Variants in PDE8A observed in about 807,000 individuals in gnomAD.
PDE8A encodes the protein phosphodiesterase 8A, also known as high affinity cAMP-specific and IBMX-insensitive 3',5'-cyclic phosphodiesterase 8A.
In PDE8A, 59 loss-of-function variants were observed where a neutral mutation model predicts 105.0. The ratio of observed to expected loss-of-function variants is 0.56; its 90% CI spans 0.46 to 0.70. The LOEUF is 0.70. Among genes scored for constraint, PDE8A ranks in the 30% least tolerant of loss-of-function variants. The pLI is 0.00. For synonymous variants in PDE8A, 355 were observed against 371.9 expected (o/e 0.95, Z 0.52); for missense variants, 1,014 against 1,045.9 (o/e 0.97, Z 0.42).
intron 3 of PDE8A, among the ~76,000 whole-genome samples, chr15:85,074,208 A>G (rs1386769294): frequency 6.6e-6 from 1 of 152,186 alleles, no homozygotes; most frequent in African/African-American, 2.4e-5. Context: ...CCTGGATTCC[A>G]TAAGAAAATG....
At chr15:85,053,013 T>C (rs1047779423) in intron 1 of PDE8A, among the ~76,000 whole-genome samples, 1 of 152,164 alleles carries the variant, frequency 6.6e-6, no homozygotes, top group Non-Finnish European at 1.5e-5. Flanking sequence ...TGTAAGGAAG[T>C]GATCCAGTTT....
chr15:85,029,981 G>A (rs1279040964), intron 1 of PDE8A, among the ~76,000 whole-genome samples: 2 of 152,104 alleles, frequency 1.3e-5, no homozygotes, highest in African/African-American at 4.8e-5. Context: ...TTCTGTGTGC[G>A]TCTGCTCTGT....
intron 1 of PDE8A, among the ~76,000 whole-genome samples, chr15:85,017,282 A>G (rs1196893920): frequency 1.3e-5 from 2 of 152,074 alleles, no homozygotes; most frequent in Non-Finnish European, 1.5e-5. Context: ...AAAAATAAAT[A>G]AATGAAGCCT....
intron 1 of PDE8A, among the ~76,000 whole-genome samples, chr15:85,031,261 G>A (rs952380027): frequency 1.3e-5 from 2 of 152,204 alleles, no homozygotes; most frequent in African/African-American, 4.8e-5. Context: ...ACATAATGAT[G>A]AGAGGCAGAG....
intron 12 of PDE8A, among the ~76,000 whole-genome samples, chr15:85,112,092 G>A (rs771330028): frequency 2.4e-4 from 37 of 151,790 alleles, no homozygotes; most frequent in Non-Finnish European, 5.9e-5. Context: ...GATTCTTCTG[G>A]GCTTTCTGTA....
At chr15:84,991,089 A>G (rs548879850) in intron 1 of PDE8A, among the ~76,000 whole-genome samples, 1 of 152,310 alleles carries the variant, frequency 6.6e-6, no homozygotes, top group South Asian at 2.1e-4. Context: ...TATAAACATT[A>G]TGACCTCTGG....
chr15:85,130,512 C>T (rs1050362817), intron 20 of PDE8A, among the ~76,000 whole-genome samples: 7 of 151,976 alleles, frequency 4.6e-5, no homozygotes, highest in Non-Finnish European at 1.0e-4. Context: ...GAGAATGTTC[C>T]ATTTGCACTT....
chr15:85,034,983 C>T (rs1255922591), intron 1 of PDE8A, among the ~76,000 whole-genome samples: 1 of 152,048 alleles, frequency 6.6e-6, no homozygotes, highest in Non-Finnish European at 1.5e-5. Flanking sequence ...AAAATACATG[C>T]ACAAAGGAAA....
Position 85,064,021 on chromosome 15 carries a change from A to G in PDE8A, c.187-349A>G, listed in dbSNP as rs185608087. The G allele has an allele frequency of 1.5e-4, 29 of 188,990 alleles. No individual in the cohort carries two copies. The East Asian group carries it at 4.0e-3, about 26-fold the overall frequency. 11.7% of individuals were successfully genotyped at this position (188,990 alleles called of 1,614,324 possible). On this transcript the variant is annotated intron_variant, in intron 1 of 21. Transcript: ENST00000394553. ...AATCAGCGTTTATTTAGTATCTATT[A>G]TTGGGGGGCTCTCTATATTGTCATC... is the stretch of plus-strand genomic sequence containing the variant.
rs141263963 is a variant in PDE8A, at chr15:85,113,391, C to T, written c.1129C>T (p.Arg377Ter). 6.2e-6 allele frequency: 10 copies of T among 1,613,872 alleles called. No individual in the cohort carries two copies. In the African/African-American group the frequency reaches 8.0e-5, roughly 13 times the overall value. ...SRATEVSSQR[R>*]HSSMARIHSM... ...TTTCTCCACAGTTTCCAGCCAGAGA[C>T]GACACTCTTCCATGGCCCGGATACA... Residue 377 changes from arginine to a stop codon, truncating the protein, a stop_gained, in exon 13 of 22, where the codon CGA becomes TGA. Coordinates refer to ENST00000394553, the MANE Select transcript of PDE8A (RefSeq NM_002605.3). LOFTEE classifies it high-confidence loss of function.
intron 1 of PDE8A, among the ~76,000 whole-genome samples, chr15:84,996,076 G>T (rs918876520): frequency 6.6e-6 from 1 of 152,172 alleles, no homozygotes; most frequent in Non-Finnish European, 1.5e-5. Flanking sequence ...TTACTTAAAA[G>T]AACTTTTTAA....
chr15:85,005,350 A>G (rs1402961268), intron 1 of PDE8A, among the ~76,000 whole-genome samples: 1 of 152,172 alleles, frequency 6.6e-6, no homozygotes, highest in African/African-American at 2.4e-5. Context: ...TCCCGGACTC[A>G]AGCAATCTTC....
chr15:85,082,414 G>C (rs747628619), intron 5 of PDE8A, among the ~76,000 whole-genome samples: 1 of 151,990 alleles, frequency 6.6e-6, no homozygotes, highest in Non-Finnish European at 1.5e-5. Flanking sequence ...CCTTCATTGG[G>C]TAGGAACAGT....
chr15:85,022,587 C>A (rs915977718), intron 1 of PDE8A, among the ~76,000 whole-genome samples: 1 of 148,880 alleles, frequency 6.7e-6, no homozygotes, highest in African/African-American at 2.5e-5. Flanking sequence ...TCACCCCTGT[C>A]GCCCAGGCTG....
chr15:85,049,538 G>T (rs2080939694), intron 1 of PDE8A, among the ~76,000 whole-genome samples: 1 of 152,008 alleles, frequency 6.6e-6, no homozygotes. Context: ...CCTTTTTATG[G>T]CTGAATAATA....
chr15:85,009,721 T>C (rs1490576094), intron 1 of PDE8A, among the ~76,000 whole-genome samples: 1 of 152,230 alleles, frequency 6.6e-6, no homozygotes, highest in African/African-American at 2.4e-5. Flanking sequence ...TGGAAAACTG[T>C]TGGCAATATT....
chr15:85,042,831 A>G (rs1157862778), intron 1 of PDE8A, among the ~76,000 whole-genome samples: 1 of 152,238 alleles, frequency 6.6e-6, no homozygotes, highest in East Asian at 1.9e-4. Flanking sequence ...AGTGAAGCTT[A>G]GCAAAGTGAA....
At chr15:85,044,756 T>G (rs2080862239) in intron 1 of PDE8A, among the ~76,000 whole-genome samples, 1 of 152,242 alleles carries the variant, frequency 6.6e-6, no homozygotes, top group African/African-American at 2.4e-5. Context: ...TGGCCTTGCC[T>G]CTACTCTCAT....
rs758498130 is a variant in PDE8A at position 85,091,043 on chromosome 15, G to A, written c.715-1G>A. 1 of 1,603,978 alleles carries A rather than the reference G, an allele frequency of 6.2e-7. No individual in the cohort carries two copies. Among genetic ancestry groups the A allele is most frequent in the Non-Finnish European group, 8.5e-7 (1 of 1,176,082 alleles). ...ATGTTTTTTCTTTTGTCTCCCTTCA[G>A]TATGCAAATCCTGCATTTGAAACAA... On this transcript the variant is annotated splice_acceptor_variant, in intron 7 of 21. Transcript: ENST00000394553. LOFTEE classifies it high-confidence loss of function.
Sources: gnomAD v4.1 joint callset for allele counts (sites outside exome capture counted in the v4.1 genomes callset) on GRCh38, gnomAD v4.1.1 for gene constraint, MANE v1.5 for transcripts, NCBI Gene and HGNC (gene_info 2026-07-23, HGNC 2026-07-21) for gene names.